The following PTPRK variants were observed in gnomAD, a reference collection of about 807,000 sequenced individuals.
PTPRK encodes protein tyrosine phosphatase receptor type K.
Under a neutral mutation model 178.0 loss-of-function variants are expected in PTPRK, and 75 were observed. That is an observed-to-expected ratio of 0.42 (90% CI 0.35 to 0.51). PTPRK has a LOEUF of 0.51. Ranked by LOEUF, PTPRK falls within the 20% of genes least tolerant of loss-of-function variation. The pLI, the probability that PTPRK is intolerant of heterozygous loss-of-function variation, is 0.02. For missense variants in PTPRK, 1,441 were observed against 1,797.8 expected (o/e 0.80, Z 3.59); for synonymous variants, 637 against 620.6 (o/e 1.03, Z -0.39).
chr6:128,182,852 C>T (rs1055807670), intron 7 of PTPRK, among the ~76,000 whole-genome samples: 3 of 151,932 alleles, frequency 2.0e-5, no homozygotes, highest in Non-Finnish European at 4.4e-5. Flanking sequence ...ACAAAAATTA[C>T]ATTATATTAA....
At chr6:128,215,810 C>A (rs1049769960) in intron 6 of PTPRK, among the ~76,000 whole-genome samples, 1 of 152,078 alleles carries the variant, frequency 6.6e-6, no homozygotes, top group Non-Finnish European at 1.5e-5. Context: ...ATTCATATCA[C>A]TGCCCCCAAA....
chr6:128,509,756 T>C (rs79231161), intron 1 of PTPRK, among the ~76,000 whole-genome samples: 3,106 of 152,108 alleles, frequency 0.02, 61 homozygotes, highest in African/African-American at 0.049. Flanking sequence ...GTGACAGAGC[T>C]TAAGACTGGA....
At chr6:128,214,584 G>C (rs937593902) in intron 6 of PTPRK, among the ~76,000 whole-genome samples, 7 of 138,836 alleles carry the variant, frequency 5.0e-5, no homozygotes, top group Non-Finnish European at 9.0e-5. Context: ...GATAGTTGTG[G>C]TAGGTACTGC....
At chr6:128,466,103 G>C (rs1849812509) in intron 1 of PTPRK, among the ~76,000 whole-genome samples, 1 of 152,152 alleles carries the variant, frequency 6.6e-6, no homozygotes. Flanking sequence ...ACTATGACTT[G>C]TTACTCAGTT....
chr6:128,068,488 C>T (rs1291535363), intron 11 of PTPRK, among the ~76,000 whole-genome samples: 1 of 152,136 alleles, frequency 6.6e-6, no homozygotes, highest in African/African-American at 2.4e-5. Flanking sequence ...TATTAAAGCT[C>T]TAACCTAAAC....
chr6:128,312,723 T>C (rs572092590), intron 3 of PTPRK, among the ~76,000 whole-genome samples: 3 of 152,280 alleles, frequency 2.0e-5, no homozygotes, highest in Non-Finnish European at 2.9e-5. Flanking sequence ...GTGGACTTTA[T>C]ATTCTCTAAG....
intron 25 of PTPRK, among the ~76,000 whole-genome samples, chr6:127,979,207 T>C (rs1774971980): frequency 1.3e-5 from 2 of 152,132 alleles, no homozygotes; most frequent in Non-Finnish European, 2.9e-5. Flanking sequence ...GCCCAGGAGA[T>C]TGAGGCTGCA....
Position 128,322,181 on chromosome 6 carries a change from A to C in PTPRK, c.353T>G (p.Leu118Arg), listed in dbSNP as rs776730682. The C allele has an allele frequency of 2.0e-5, 32 of 1,613,838 alleles. No homozygotes were observed. The highest frequency in any genetic ancestry group is 2.6e-5 in the Non-Finnish European group (31 of 1,179,908). ...FSYLLYSQKG[L>R]NPGTLNILVR... ...TAATATGTTCAAAGTGCCAGGATTCAGTCCTTTCTGGCTATATAATAGGTA... is the reference window on the plus strand; with the variant it reads ...TAATATGTTCAAAGTGCCAGGATTCCGTCCTTTCTGGCTATATAATAGGTA... The change falls in exon 3 of 30, where the codon CTG becomes CGG. Residue 118 changes from leucine to arginine, a missense_variant. Physicochemically the swap from Leu to Arg is moderately radical, Grantham distance 102. This residue lies in a region of PTPRK where 158 missense variants were observed against 188.0 expected (regional missense o/e 0.84). Transcript: ENST00000368226.
chr6:127,985,547 G>A (rs1775863132), intron 22 of PTPRK, among the ~76,000 whole-genome samples, 174 bp downstream of exon 22: 3 of 152,148 alleles, frequency 2.0e-5, no homozygotes, highest in Admixed American at 2.0e-4. Context: ...TTAAGTTCCT[G>A]TTTTATAGAC....
intron 5 of PTPRK, among the ~76,000 whole-genome samples, chr6:128,221,893 T>G (rs974102388): frequency 2.6e-5 from 4 of 151,694 alleles, no homozygotes; most frequent in Non-Finnish European, 2.9e-5. Context: ...AAAAAAAAAA[T>G]TATACATGCA....
At chr6:128,349,776 A>G (rs761779620) in intron 2 of PTPRK, among the ~76,000 whole-genome samples, 4 of 152,166 alleles carry the variant, frequency 2.6e-5, no homozygotes, top group Non-Finnish European at 5.9e-5. Context: ...GGTAATAAGG[A>G]AATTTTAAGC....
intron 23 of PTPRK, 29 bp downstream of exon 23, chr6:127,983,213 A>AC (rs113581270): frequency 0.31 from 469,237 of 1,528,474 alleles, 74,471 homozygotes; most frequent in Admixed American, 0.39. Context: ...AAAAATAAAA[A>AC]AAAGTCCACT....
chr6:128,159,676 A>T (rs1583272246), intron 7 of PTPRK, among the ~76,000 whole-genome samples: 2 of 148,724 alleles, frequency 1.3e-5, no homozygotes, highest in Admixed American at 1.4e-4. Context: ...TCTTGTATTT[A>T]AAAAAAAAAT....
At chr6:128,185,207 T>G (rs1449168715) in intron 6 of PTPRK, among the ~76,000 whole-genome samples, 2 of 152,166 alleles carry the variant, frequency 1.3e-5, no homozygotes, top group South Asian at 2.1e-4. Context: ...GGTGCTAACT[T>G]GTTTCTACAA....
chr6:128,156,481 A>AAG (rs371126341), intron 7 of PTPRK, among the ~76,000 whole-genome samples: 3,302 of 150,656 alleles, frequency 0.022, 90 homozygotes, highest in African/African-American at 0.046. Context: ...ATGGTGGAGC[A>AAG]AGAGAGAGAG....
chr6:128,401,537 A>G (rs1841018033), intron 1 of PTPRK, among the ~76,000 whole-genome samples: 1 of 152,182 alleles, frequency 6.6e-6, no homozygotes, highest in African/African-American at 2.4e-5. Context: ...TAATTTAAAC[A>G]AAGTTGAACT....
chr6:128,506,656 T>C (rs929284981), intron 1 of PTPRK, among the ~76,000 whole-genome samples: 8 of 111,774 alleles, frequency 7.2e-5, no homozygotes, highest in African/African-American at 3.0e-4. Flanking sequence ...TAAAACTCTG[T>C]CTCAAAAAAA....
At chr6:128,131,336 A>G (rs959807377) in intron 7 of PTPRK, among the ~76,000 whole-genome samples, 2 of 152,162 alleles carry the variant, frequency 1.3e-5, no homozygotes, top group African/African-American at 4.8e-5. Context: ...CAGTTCCAGG[A>G]GCGGGGAGGG....
intron 3 of PTPRK, among the ~76,000 whole-genome samples, chr6:128,252,155 ATT>A (rs1447693594): frequency 6.6e-6 from 1 of 152,214 alleles, no homozygotes; most frequent in East Asian, 1.9e-4. Context: ...AAAGACGGAG[ATT>A]TTCACAAGTT....
Sources: allele counts gnomAD v4.1 joint callset (sites outside exome capture counted in the v4.1 genomes callset), GRCh38; gene constraint gnomAD v4.1.1; regional missense constraint gnomAD v4.1.1; transcripts MANE v1.5; gene names NCBI Gene and HGNC (gene_info 2026-07-23, HGNC 2026-07-21).